Variants in MAEA observed in about 807,000 individuals in gnomAD.
MAEA encodes E3 ubiquitin-protein transferase MAEA.
MAEA carries 22 observed loss-of-function variants against 46.2 expected under a neutral mutation model. That is an observed-to-expected ratio of 0.48 (90% CI 0.34 to 0.68). MAEA has a LOEUF of 0.68. MAEA is among the 30% of genes least tolerant of loss of function. The pLI is 0.01. For synonymous variants in MAEA, 246 were observed against 222.6 expected (o/e 1.11, Z -0.94); for missense variants, 393 against 558.1 (o/e 0.70, Z 2.98).
intron 1 of MAEA, among the ~76,000 whole-genome samples, chr4:1,297,675 C>G (rs73069999): frequency 0.15 from 23,056 of 152,108 alleles, 3,353 homozygotes; most frequent in East Asian, 0.42. Context: ...TGCGAGGGCA[C>G]GGGCCGTCCT....
rs977375622 is a variant in MAEA, at chr4:1,329,039, G to A, written c.656+1336G>A. The A allele has an allele frequency of 7.7e-5, 76 of 985,826 alleles. No homozygotes were observed. In the South Asian group the frequency reaches 1.1e-3, roughly 14 times the overall value. The allele number at this position is 985,826 out of a possible 1,614,324, so 61.1% of individuals were successfully genotyped here. A position where few individuals can be genotyped will look rare whatever the true frequency, so the allele number is the denominator to read the frequency against. On this transcript the variant is annotated intron_variant, in intron 5 of 8. Coordinates refer to ENST00000303400, the MANE Select transcript of MAEA (RefSeq NM_001017405.3). ...CCTGTGTCGCTGGCCTCTGTCCGGC[G>A]GCAGTCTGCTTCCATCCCGAGTCAG...
chr4:1,334,448 G>A (rs565216230), intron 6 of MAEA, among the ~76,000 whole-genome samples: 32 of 152,258 alleles, frequency 2.1e-4, no homozygotes, highest in African/African-American at 5.3e-4. Context: ...ATTAGGTCAC[G>A]AGGATCTTCA....
chr4:1,305,050 T>G (rs905357768), intron 1 of MAEA, among the ~76,000 whole-genome samples: 1 of 152,240 alleles, frequency 6.6e-6, no homozygotes, highest in African/African-American at 2.4e-5. Flanking sequence ...AGATTTATGA[T>G]GATTATTAAT....
intron 1 of MAEA, among the ~76,000 whole-genome samples, chr4:1,298,494 T>G (rs1735002625): frequency 6.6e-6 from 1 of 152,198 alleles, no homozygotes; most frequent in South Asian, 2.1e-4. Context: ...CAGCCCTGCC[T>G]TGGGGTCTCT....
At chr4:1,327,821 C>A in intron 5 of MAEA, 118 bp downstream of exon 5, 1 of 770,282 alleles carries the variant, frequency 1.3e-6, no homozygotes, top group Non-Finnish European at 2.2e-6. Flanking sequence ...TCCCCTGGGT[C>A]TTGAGTCTGA....
intron 1 of MAEA, chr4:1,298,085 T>G (rs957672936): frequency 4.4e-6 from 2 of 456,212 alleles, no homozygotes; most frequent in Middle Eastern, 3.2e-4. Context: ...TAGCCATGCT[T>G]CTTGAGGCAT....
chr4:1,298,684 G>GCC (rs1735025335), intron 1 of MAEA, among the ~76,000 whole-genome samples: 1 of 152,086 alleles, frequency 6.6e-6, no homozygotes, highest in African/African-American at 2.4e-5. Context: ...TTCCCCCCGG[G>GCC]CTCAGTCCTT....
chr4:1,338,465 C>G lies in MAEA; in HGVS notation c.943C>G (p.Pro315Ala). The G allele has an allele frequency of 6.2e-7, 1 of 1,613,166 alleles. No individual in the cohort carries two copies. Among genetic ancestry groups the G allele is most frequent in the Non-Finnish European group, 8.5e-7 (1 of 1,179,994 alleles). The stretch of plus-strand genomic sequence containing the variant: ...CGGCAGCTCCAAGAGCCCTGACTGC[C>G]CTGTGTGCAGCCGCTCCCTGAACAA... Reference protein sequence around the residue: ...EDGSSKSPDCPVCSRSLNKLA... With the variant: ...EDGSSKSPDCAVCSRSLNKLA... Residue 315 changes from proline to alanine, a missense_variant, in exon 8 of 9, where the codon CCT becomes GCT. By Grantham distance (27) the Pro-to-Ala change is conservative. Transcript: ENST00000303400.
At chr4:1,304,658 C>G (rs902427330) in intron 1 of MAEA, among the ~76,000 whole-genome samples, 1 of 152,124 alleles carries the variant, frequency 6.6e-6, no homozygotes, top group African/African-American at 2.4e-5. Flanking sequence ...CCAGGATGGT[C>G]TCCATCTCCT....
In MAEA at chr4:1,328,837, C is replaced by A. The variant is rs1004588579; in HGVS notation, c.656+1134C>A. ...GGTGGCAGGTCAGGCCTCGTCTTCA[C>A]GCACGAGGGAGCCAGGCCTGCAACG... On this transcript the variant is annotated intron_variant, in intron 5 of 8. Transcript: ENST00000303400. 7.7e-6 allele frequency: 8 copies of A among 1,040,882 alleles called. No homozygotes were observed. In the South Asian group the frequency reaches 2.3e-4, roughly 30 times the overall value. 64.5% of individuals were successfully genotyped at this position (1,040,882 alleles called of 1,614,324 possible). A position where few individuals can be genotyped will look rare whatever the true frequency, so the allele number is the denominator to read the frequency against.
intron 8 of MAEA, 168 bp downstream of exon 8, chr4:1,338,785 C>G (rs1268449540): frequency 2.6e-6 from 2 of 776,742 alleles, no homozygotes; most frequent in African/African-American, 3.5e-5. Flanking sequence ...GCCATCGGGA[C>G]AGGGCTGTGT....
intron 1 of MAEA, among the ~76,000 whole-genome samples, chr4:1,296,490 T>C (rs75214475): frequency 0.15 from 19,372 of 131,464 alleles, 2,755 homozygotes; most frequent in East Asian, 0.43. Context: ...CCTCCCTCAC[T>C]TGCGCTGTGC....
At chr4:1,326,331 C>T (rs934339688) in intron 4 of MAEA, among the ~76,000 whole-genome samples, 8 of 152,246 alleles carry the variant, frequency 5.3e-5, no homozygotes, top group African/African-American at 1.9e-4. Context: ...GCCCAAGACT[C>T]GCTCCGTGGT....
chr4:1,312,114 A>T lies in MAEA; in HGVS notation c.205A>T (p.Ser69Cys), dbSNP rs773241884. ...SGCPAVDSVV[S>C]LLDGVVEKLS... Reference sequence around the variant, plus strand: ...CTGCCCCGCCGTGGACTCCGTGGTCAGCCTGCTGGACGGCGTGGTGGAGAA... The same window carrying T: ...CTGCCCCGCCGTGGACTCCGTGGTCTGCCTGCTGGACGGCGTGGTGGAGAA... The change falls in exon 2 of 9, where the codon AGC (serine) becomes TGC (cysteine). Residue 69 changes from serine (S) to cysteine (C), a missense_variant. Physicochemically the swap from Ser to Cys is moderately radical, Grantham distance 112. Around this residue, in one of 2 missense-constraint regions of MAEA, gnomAD observed 358 missense variants for 537.9 expected, o/e 0.67. Transcript: ENST00000303400. The T allele has an allele frequency of 1.9e-6, 3 of 1,613,914 alleles. No homozygotes were observed. The highest frequency in any genetic ancestry group is 2.5e-6 in the Non-Finnish European group (3 of 1,180,048).
At position 1,315,547 on chromosome 4, in the gene MAEA, C is replaced by T. The variant is rs370630984; in HGVS notation, c.403C>T (p.Arg135Cys). 6 of 1,613,672 alleles carry T rather than the reference C, an allele frequency of 3.7e-6. No homozygotes were observed. The highest frequency in any genetic ancestry group is 2.7e-5 in the African/African-American group (2 of 74,928). Residue 135 changes from arginine (R) to cysteine (C), a missense_variant, in exon 3 of 9, where the codon CGT becomes TGT. Coordinates refer to ENST00000303400, the MANE Select transcript of MAEA (RefSeq NM_001017405.3). ...MDRMMVEHLL[R>C]CGYYNTAVKL... ...TCGCATGATGGTGGAGCACCTGCTG[C>T]GTTGCGGCTACTACAACACGGCTGT... is the stretch of plus-strand genomic sequence containing the variant.
At chr4:1,337,124 G>A in intron 7 of MAEA, 130 bp downstream of exon 7, 1 of 1,148,964 alleles carries the variant, frequency 8.7e-7, no homozygotes, top group Non-Finnish European at 1.2e-6. Context: ...CCCGTGTGCT[G>A]CACTTGCGTG....
In MAEA at chr4:1,338,988, G is replaced by T; in HGVS notation, c.1096-86G>T. 1.6e-5 allele frequency: 18 copies of T among 1,115,142 alleles called. No individual in the cohort carries two copies. In the South Asian group the frequency reaches 2.2e-4, roughly 13 times the overall value. The allele number at this position is 1,115,142 out of a possible 1,614,324, so 69.1% of individuals were successfully genotyped here. ...TGCCTGAGAGGATGAGTCATTCCCT[G>T]GTGGTTCATTGTGGGGATTTTCCAT... On this transcript the variant is annotated intron_variant, in intron 8 of 8. Transcript: ENST00000303400.
chr4:1,316,670 C>G (rs1305462106), intron 3 of MAEA, among the ~76,000 whole-genome samples: 2 of 152,114 alleles, frequency 1.3e-5, no homozygotes, highest in Non-Finnish European at 2.9e-5. Flanking sequence ...CGGCTTAAAT[C>G]CCACCCACAT....
rs753964741 is a variant in MAEA at position 1,322,455 on chromosome 4, C to G, written c.531C>G (p.Thr177=). ...CCCTGGAGAGGCGTGAGACGGCCAC[C>G]TGCCTGGCCTGGTGCCATGACAACA... ...EESLERRETA[T]CLAWCHDNKS... The change falls in exon 4 of 9, where the codon ACC becomes ACG. Residue 177 remains threonine (T), a synonymous_variant. Coordinates refer to ENST00000303400, the MANE Select transcript of MAEA (RefSeq NM_001017405.3). The G allele has an allele frequency of 1.2e-6, 2 of 1,614,030 alleles. No homozygotes were observed. The highest frequency in any genetic ancestry group is 1.7e-6 in the Non-Finnish European group (2 of 1,180,028).
Sources: allele counts gnomAD v4.1 joint callset (sites outside exome capture counted in the v4.1 genomes callset), GRCh38; gene constraint gnomAD v4.1.1; regional missense constraint gnomAD v4.1.1; transcripts MANE v1.5; gene names NCBI Gene and HGNC (gene_info 2026-07-23, HGNC 2026-07-21).